Variants in SLC10A7 observed in about 807,000 individuals in gnomAD.
The protein encoded by SLC10A7 is sodium/bile acid cotransporter 7.
SLC10A7 carries 29 observed loss-of-function variants against 43.2 expected under a neutral mutation model. That is an observed-to-expected ratio of 0.67 (90% CI 0.50 to 0.92). The LOEUF (loss-of-function observed/expected upper bound fraction) is 0.92, where lower values mean the gene tolerates loss of function less well. Among genes scored for constraint, SLC10A7 ranks in the 40% least tolerant of loss-of-function variants. The pLI is 0.00. For synonymous variants in SLC10A7, 152 were observed against 144.8 expected (o/e 1.05, Z -0.35); for missense variants, 295 against 403.2 (o/e 0.73, Z 2.30).
chr4:146,519,100 TATATATATATATA>T (rs1738330211), intron 1 of SLC10A7, among the ~76,000 whole-genome samples: 2 of 33,410 alleles, frequency 6.0e-5, no homozygotes, highest in Non-Finnish European at 1.1e-4. Flanking sequence ...TATATATATA[TATATATATATATA>T]ATATAATATA....
At chr4:146,429,112 GA>G (rs1415812801) in intron 5 of SLC10A7, among the ~76,000 whole-genome samples, 1 of 152,010 alleles carries the variant, frequency 6.6e-6, no homozygotes, top group Non-Finnish European at 1.5e-5. Context: ...TCAACACTGT[GA>G]ATATAAGGCA....
At chr4:146,453,728 A>G (rs927893017) in intron 4 of SLC10A7, among the ~76,000 whole-genome samples, 1 of 151,992 alleles carries the variant, frequency 6.6e-6, no homozygotes, top group Non-Finnish European at 1.5e-5. Context: ...AAAAAATTCT[A>G]GTACAAAACA....
At chr4:146,452,164 C>A (rs1263193410) in intron 4 of SLC10A7, among the ~76,000 whole-genome samples, 1 of 152,010 alleles carries the variant, frequency 6.6e-6, no homozygotes, top group Non-Finnish European at 1.5e-5. Context: ...TGAGTAGGCA[C>A]ATTAAATCTT....
intron 5 of SLC10A7, among the ~76,000 whole-genome samples, chr4:146,404,476 ATGTGTGTGTGTGTGTGTG>A (rs34519773): frequency 7.1e-6 from 1 of 141,468 alleles, no homozygotes; most frequent in Non-Finnish European, 1.5e-5. Context: ...CTGCTCATTT[ATGTGTGTGTGTGTGTGTG>A]TGTGTGTGTG....
At chr4:146,340,447 A>G (rs1333844760) in intron 5 of SLC10A7, among the ~76,000 whole-genome samples, 2 of 151,864 alleles carry the variant, frequency 1.3e-5, no homozygotes, top group Admixed American at 6.6e-5. Flanking sequence ...GGCTCTAGCA[A>G]AAATGCAAAG....
At chr4:146,354,276 C>T (rs1198962216) in intron 5 of SLC10A7, among the ~76,000 whole-genome samples, 1 of 151,602 alleles carries the variant, frequency 6.6e-6, no homozygotes, top group Non-Finnish European at 1.5e-5. Flanking sequence ...CATGAGTGAA[C>T]TCCCATTCAC....
intron 5 of SLC10A7, among the ~76,000 whole-genome samples, chr4:146,356,574 G>GACACAC (rs34496192): frequency 1.7e-4 from 26 of 150,364 alleles, no homozygotes; most frequent in East Asian, 9.8e-4. Context: ...ACAACAGACA[G>GACACAC]ACACACACAC....
At chr4:146,274,423 C>T (rs1391864849) in intron 10 of SLC10A7, among the ~76,000 whole-genome samples, 4 of 151,994 alleles carry the variant, frequency 2.6e-5, no homozygotes, top group Admixed American at 6.6e-5. Flanking sequence ...AGGATGGTCT[C>T]AATCTCTTCA....
At chr4:146,290,894 A>C (rs1311229292) in intron 9 of SLC10A7, among the ~76,000 whole-genome samples, 1 of 152,150 alleles carries the variant, frequency 6.6e-6, no homozygotes, top group African/African-American at 2.4e-5. Context: ...ACAAAACAAA[A>C]CAAAAACCCT....
chr4:146,306,139 T>A, intron 6 of SLC10A7, 130 bp from the exon 7 acceptor site: 1 of 531,212 alleles, frequency 1.9e-6, no homozygotes, highest in Non-Finnish European at 3.1e-6. Context: ...AAAGAATAAG[T>A]GAAGTTACCT....
chr4:146,299,039 AC>A (rs1351716634), intron 7 of SLC10A7, among the ~76,000 whole-genome samples: 2 of 152,378 alleles, frequency 1.3e-5, no homozygotes, highest in East Asian at 1.9e-4. Context: ...TGAATGACAA[AC>A]TTTTATCACC....
chr4:146,442,584 C>A, intron 5 of SLC10A7, 199 bp downstream of exon 5: 5 of 1,411,510 alleles, frequency 3.5e-6, no homozygotes. Context: ...AAACCCAAAC[C>A]TCCAAAATAT....
chr4:146,428,764 CTTTAA>C (rs1376731769), intron 5 of SLC10A7, among the ~76,000 whole-genome samples: 2 of 152,114 alleles, frequency 1.3e-5, no homozygotes, highest in Admixed American at 6.5e-5. Context: ...AAAAAATAAA[CTTTAA>C]TTTAAAAAAA....
chr4:146,421,709 G>A (rs919649621), intron 5 of SLC10A7, among the ~76,000 whole-genome samples: 5 of 152,004 alleles, frequency 3.3e-5, no homozygotes, highest in South Asian at 2.1e-4. Flanking sequence ...ACCAGGTACC[G>A]TATTTGCCAT....
chr4:146,415,934 T>C (rs1028844363), intron 5 of SLC10A7, among the ~76,000 whole-genome samples: 2 of 152,190 alleles, frequency 1.3e-5, no homozygotes, highest in Non-Finnish European at 2.9e-5. Flanking sequence ...GAAAGCTCCC[T>C]AGCCTCTATC....
At chr4:146,388,118 CAATCCT>C (rs1738142972) in intron 5 of SLC10A7, among the ~76,000 whole-genome samples, 1 of 152,102 alleles carries the variant, frequency 6.6e-6, no homozygotes, top group South Asian at 2.1e-4. Flanking sequence ...TTAGCCAAAG[CAATCCT>C]AAGCAAAAGA....
At chr4:146,403,484 A>G (rs907156271) in intron 5 of SLC10A7, among the ~76,000 whole-genome samples, 1 of 152,162 alleles carries the variant, frequency 6.6e-6, no homozygotes, top group Non-Finnish European at 1.5e-5. Flanking sequence ...GCTTTCCGTG[A>G]GAGGACACCT....
At chr4:146,323,697 G>C (rs1040980562) in intron 6 of SLC10A7, among the ~76,000 whole-genome samples, 1 of 152,098 alleles carries the variant, frequency 6.6e-6, no homozygotes, top group African/African-American at 2.4e-5. Context: ...GATTGACTTG[G>C]CAATGTGGGC....
Position 146,365,240 on chromosome 4 carries a change from C to T in SLC10A7, c.436-39244G>A, listed in dbSNP as rs535792812. On this transcript the variant is annotated intron_variant, in intron 5 of 11. Coordinates refer to ENST00000335472, the MANE Select transcript of SLC10A7 (RefSeq NM_001029998.6). Reference sequence around the variant, plus strand: ...CTCCTATAAGGCACAAAGCAAAACACCACCTTTTATTTATATAAACACTGA... The same window carrying T: ...CTCCTATAAGGCACAAAGCAAAACATCACCTTTTATTTATATAAACACTGA... 5.9e-4 allele frequency among the ~76,000 whole-genome samples: 90 copies of T among 152,234 alleles called. No homozygotes were observed. The Middle Eastern group carries it at 0.01, about 17-fold the overall frequency.
Sources: gnomAD v4.1 joint callset for allele counts (sites outside exome capture counted in the v4.1 genomes callset) on GRCh38, gnomAD v4.1.1 for gene constraint, MANE v1.5 for transcripts, NCBI Gene and HGNC (gene_info 2026-07-23, HGNC 2026-07-21) for gene names.